The following UNG variants were observed in gnomAD, a reference collection of about 807,000 sequenced individuals.
The protein encoded by UNG is uracil DNA glycosylase.
UNG carries 34 observed loss-of-function variants against 36.5 expected under a neutral mutation model. The observed-to-expected ratio is 0.93, with a 90% CI of 0.71 to 1.24. UNG has a LOEUF of 1.24. UNG is among the 50% of genes most tolerant of loss of function. The pLI is 0.00. For missense variants in UNG, 391 were observed against 397.6 expected (o/e 0.98, Z 0.14); for synonymous variants, 172 against 157.8 (o/e 1.09, Z -0.67).
At chr12:109,106,875 AC>A (rs1393935104) in intron 6 of UNG, among the ~76,000 whole-genome samples, 1 of 59,102 alleles carries the variant, frequency 1.7e-5, no homozygotes, top group Non-Finnish European at 3.2e-5. Flanking sequence ...CAAAAAAAAA[AC>A]ATATATATAT....
At chr12:109,102,181 T>C in intron 4 of UNG, among the ~76,000 whole-genome samples, 182 bp downstream of exon 4, 1 of 152,224 alleles carries the variant, frequency 6.6e-6, no homozygotes, top group East Asian at 1.9e-4. Context: ...AGAGGAGTCC[T>C]GTGCTATTGC....
At position 109,110,167 on chromosome 12, in the gene UNG, A is replaced by C; in HGVS notation, c.*198A>C. ...ACAACAAAGGCTACCCTTTGACCAA[A>C]TGTCTTTCTCTGCAACATGGCTTCG... is the stretch of plus-strand genomic sequence containing the variant. On this transcript the variant is annotated 3_prime_UTR_variant, in exon 7 of 7. Coordinates refer to ENST00000242576, the MANE Select transcript of UNG (RefSeq NM_080911.3). 2 of 660,388 alleles carry C rather than the reference A, an allele frequency of 3.0e-6. No individual in the cohort carries two copies. Among genetic ancestry groups the C allele is most frequent in the East Asian group, 2.8e-5 (1 of 35,370 alleles). The allele number at this position is 660,388 out of a possible 1,614,324, so 40.9% of individuals were successfully genotyped here.
At position 109,099,169 on chromosome 12, in the gene UNG, C is replaced by T. The variant is rs202212890; in HGVS notation, c.340-20C>T. 7.8e-5 allele frequency: 125 copies of T among 1,599,308 alleles called. No homozygotes were observed. The East Asian group carries it at 2.7e-3, about 34-fold the overall frequency. Reference sequence around the variant, plus strand: ...TTCCAATGAGAATCTGATTTTAAGTCTAGTTTATCTTTAAATCAGCTAATG... The same window carrying T: ...TTCCAATGAGAATCTGATTTTAAGTTTAGTTTATCTTTAAATCAGCTAATG... On this transcript the variant is annotated intron_variant, in intron 2 of 6. Coordinates refer to ENST00000242576, the MANE Select transcript of UNG (RefSeq NM_080911.3).
At chr12:109,107,542 T>C (rs1301444283) in intron 6 of UNG, among the ~76,000 whole-genome samples, 8 of 133,700 alleles carry the variant, frequency 6.0e-5, no homozygotes, top group East Asian at 4.9e-4. Flanking sequence ...TTTTTTTTTT[T>C]CTGAGACAGT....
intron 4 of UNG, 99 bp from the exon 5 acceptor site, chr12:109,102,740 T>A: frequency 1.0e-6 from 1 of 965,402 alleles, no homozygotes; most frequent in African/African-American, 1.6e-5. Context: ...AAGGGCTGGC[T>A]GTAACTTCTA....
chr12:109,110,416 GTC>G lies in UNG; in HGVS notation c.*451_*452del. The G allele has an allele frequency of 4.6e-6, 1 of 216,324 alleles. No individual in the cohort carries two copies. The highest frequency in any genetic ancestry group is 1.1e-4 in the East Asian group (1 of 9,470). The allele number at this position is 216,324 out of a possible 1,614,324, so 13.4% of individuals were successfully genotyped here. On this transcript the variant is annotated 3_prime_UTR_variant, in exon 7 of 7. Coordinates refer to ENST00000242576, the MANE Select transcript of UNG (RefSeq NM_080911.3). The stretch of plus-strand genomic sequence containing the variant: ...TCAGCCTTGCAGGGCAGGCATGCCA[GTC>G]TCTGCCAGTTCCACTGCCCCCTTGA...
chr12:109,098,145 C>T (rs1183279150), intron 1 of UNG: 33 of 1,238,294 alleles, frequency 2.7e-5, no homozygotes, highest in African/African-American at 4.9e-5. Context: ...CGCGGTGGGG[C>T]GGGTCTGGCG....
chr12:109,103,072 C>T (rs937352221), intron 5 of UNG, 145 bp downstream of exon 5: 22 of 689,924 alleles, frequency 3.2e-5, no homozygotes, highest in Non-Finnish European at 5.0e-5. Flanking sequence ...ATGCCTCAGC[C>T]TCCTGAGTAG....
At position 109,101,326 on chromosome 12, in the gene UNG, G is replaced by A. The variant is rs139169346; in HGVS notation, c.436-576G>A. 5.1e-3 allele frequency among the ~76,000 whole-genome samples: 778 copies of A among 151,792 alleles called. 6 individuals are homozygous for A. Among genetic ancestry groups the A allele is most frequent in the Non-Finnish European group, 6.5e-3 (444 of 67,880 alleles). Reference sequence around the variant, plus strand: ...CAGATGGTTTCGATATCTTGACCTCGTGATCTGCCTACCTCGGCCTCCCAA... The same window carrying A: ...CAGATGGTTTCGATATCTTGACCTCATGATCTGCCTACCTCGGCCTCCCAA... On this transcript the variant is annotated intron_variant, in intron 3 of 6. Transcript: ENST00000242576.
intron 1 of UNG, 127 bp from the exon 2 acceptor site, chr12:109,098,305 T>C: frequency 6.3e-7 from 1 of 1,587,360 alleles, no homozygotes; most frequent in Non-Finnish European, 8.6e-7. Context: ...ACTGTCCGCT[T>C]TTGCTGGGAC....
chr12:109,107,817 G>A (rs1297763854), intron 6 of UNG, among the ~76,000 whole-genome samples: 20 of 152,076 alleles, frequency 1.3e-4, no homozygotes, highest in East Asian at 7.7e-4. Context: ...GAGCCACCAC[G>A]CCCGGCCAAC....
chr12:109,109,801 G>GCCA, intron 6 of UNG, 28 bp from the exon 7 acceptor site: 4 of 1,604,452 alleles, frequency 2.5e-6, no homozygotes, highest in Non-Finnish European at 3.4e-6. Context: ...TCCCAAATCT[G>GCCA]CCACCATTTA....
In UNG at chr12:109,109,479, TG is replaced by T. The variant is rs200577642; in HGVS notation, c.802-346del. Among the ~76,000 whole-genome samples the T allele has an allele frequency of 1.5e-3, 202 of 131,740 alleles. 1 individual carries two copies. Among genetic ancestry groups the T allele is most frequent in the African/African-American group, 4.8e-3 (167 of 34,856 alleles). 86.4% of individuals were successfully genotyped at this position (131,740 alleles called of 152,430 possible). A position where few individuals can be genotyped will look rare whatever the true frequency, so the allele number is the denominator to read the frequency against. ...TGCAACAGCCACAGTCCTTCCTTTT[TG>T]GGGAAAAAAAAAAAAAGTCCCGGCC... On this transcript the variant is annotated intron_variant, in intron 6 of 6. Transcript: ENST00000242576.
chr12:109,110,826 C>G lies in UNG; in HGVS notation c.*857C>G, dbSNP rs1401473943. On this transcript the variant is annotated 3_prime_UTR_variant, in exon 7 of 7. Transcript: ENST00000242576. ...GAAAGTTTTAGTTTTTTAAGAAGTA[C>G]TCATGCAGATATATATATATATATT... 1 of 151,614 alleles carries G rather than the reference C, an allele frequency of 6.6e-6. No homozygotes were observed. The highest frequency in any genetic ancestry group is 2.4e-5 in the African/African-American group (1 of 41,214). The allele number at this position is 151,614 out of a possible 1,614,324, so 9.4% of individuals were successfully genotyped here. A position where few individuals can be genotyped will look rare whatever the true frequency, so the allele number is the denominator to read the frequency against.
chr12:109,099,517 A>AT (rs1043204099), intron 3 of UNG, among the ~76,000 whole-genome samples: 3 of 151,988 alleles, frequency 2.0e-5, no homozygotes, highest in Admixed American at 6.6e-5. Context: ...TATTTCTTGT[A>AT]TTTTTTTTAA....
intron 6 of UNG, among the ~76,000 whole-genome samples, chr12:109,108,349 CTT>C (rs2042232956): frequency 6.6e-6 from 1 of 152,062 alleles, no homozygotes; most frequent in African/African-American, 2.4e-5. Flanking sequence ...GACAGGGTCT[CTT>C]GGCTGGGAGC....
At chr12:109,101,810 GT>G in intron 3 of UNG, 91 bp from the exon 4 acceptor site, 1 of 1,099,832 alleles carries the variant, frequency 9.1e-7, no homozygotes, top group South Asian at 1.3e-5. Context: ...CCATAGAAGT[GT>G]TTTATTTGTT....
At position 109,110,024 on chromosome 12, in the gene UNG, C is replaced by T. The variant is rs551612599; in HGVS notation, c.*55C>T. The T allele has an allele frequency of 1.7e-5, 27 of 1,612,624 alleles. No individual in the cohort carries two copies. The highest frequency in any genetic ancestry group is 8.0e-5 in the African/African-American group (6 of 74,976). On this transcript the variant is annotated 3_prime_UTR_variant, in exon 7 of 7. Coordinates refer to ENST00000242576, the MANE Select transcript of UNG (RefSeq NM_080911.3). Reference sequence around the variant, plus strand: ...CTGCTGTTAACGTATTTGCCAGTTACGAAGTTCCACTGAAAATTTTCCTAT... The same window carrying T: ...CTGCTGTTAACGTATTTGCCAGTTATGAAGTTCCACTGAAAATTTTCCTAT...
chr12:109,106,923 A>ATATATATGTG (rs1566123293), intron 6 of UNG, among the ~76,000 whole-genome samples: 1 of 126,530 alleles, frequency 7.9e-6, no homozygotes, highest in Non-Finnish European at 1.6e-5. Context: ...ATATGTGTAT[A>ATATATATGTG]TATATATATA....
Sources: gnomAD v4.1 joint callset for allele counts (sites outside exome capture counted in the v4.1 genomes callset) on GRCh38, gnomAD v4.1.1 for gene constraint, MANE v1.5 for transcripts, NCBI Gene and HGNC (gene_info 2026-07-23, HGNC 2026-07-21) for gene names.